SLC15A2: variants seen among roughly 807,000 people sequenced by gnomAD.
The protein encoded by SLC15A2 is kidney H(+)/peptide cotransporter.
SLC15A2 carries 77 observed loss-of-function variants against 95.5 expected under a neutral mutation model. That is an observed-to-expected ratio of 0.81 (90% CI 0.67 to 0.97). The LOEUF (loss-of-function observed/expected upper bound fraction) is 0.97. Ranked by LOEUF, SLC15A2 falls within the 50% of genes least tolerant of loss-of-function variation. The probability of loss-of-function intolerance (pLI) is 0.00; values close to 1 mark genes in which losing one functional copy is unlikely to be tolerated. For synonymous variants in SLC15A2, 306 were observed against 306.9 expected, an observed-to-expected ratio of 1.00 and a Z score of 0.03; for missense variants, 893 against 874.4, an observed-to-expected ratio of 1.02 and a Z score of -0.27.
chr3:121,914,338 C>T (rs569259319), intron 5 of SLC15A2, among the ~76,000 whole-genome samples: 21 of 152,192 alleles, frequency 1.4e-4, no homozygotes, highest in Middle Eastern at 3.4e-3. Flanking sequence ...GTATAATGAA[C>T]GAAACATCAG....
intron 3 of SLC15A2, 24 bp from the exon 4 acceptor site, chr3:121,911,550 T>G (rs780486500): frequency 4.5e-6 from 7 of 1,543,288 alleles, no homozygotes; most frequent in Middle Eastern, 1.7e-4. Flanking sequence ...GGTTTTAGAC[T>G]GACTGATTTA....
At chr3:121,931,419 A>G (rs1416808070) in intron 18 of SLC15A2, among the ~76,000 whole-genome samples, 1 of 152,238 alleles carries the variant, frequency 6.6e-6, no homozygotes, top group Non-Finnish European at 1.5e-5. Flanking sequence ...TTTAGGTTGA[A>G]TATTTTAGAA....
At chr3:121,922,078 G>A (rs1402863097) in intron 7 of SLC15A2, 142 bp from the exon 8 acceptor site, 7 of 607,968 alleles carry the variant, frequency 1.2e-5, no homozygotes, top group African/African-American at 1.9e-5. Context: ...TGTCCTTAGC[G>A]CTGATATACT....
chr3:121,924,218 C>T (rs1361556268), intron 11 of SLC15A2, 133 bp from the exon 12 acceptor site: 2 of 730,652 alleles, frequency 2.7e-6, no homozygotes, highest in African/African-American at 3.5e-5. Context: ...AAATAGTGGC[C>T]CTGAACCAAA....
intron 3 of SLC15A2, among the ~76,000 whole-genome samples, chr3:121,900,438 G>C (rs905552421): frequency 1.3e-5 from 2 of 152,058 alleles, no homozygotes; most frequent in African/African-American, 2.4e-5. Context: ...CTACAATTGA[G>C]CATATATGCT....
In SLC15A2 at chr3:121,897,542, G is replaced by T. The variant is rs1709442494; in HGVS notation, c.335+13G>T. 6.2e-7 allele frequency: 1 copy of T among 1,613,440 alleles called. No individual in the cohort carries two copies. Among genetic ancestry groups the T allele is most frequent in the Non-Finnish European group, 8.5e-7 (1 of 1,179,872 alleles). On this transcript the variant is annotated intron_variant, in intron 3 of 21. Transcript: ENST00000489711. ...TGGGAAAATTCAAGTAAGGAAGATG[G>T]GAGGTCACATCCCTACAAGTTTCAC...
chr3:121,901,699 A>G (rs1192490071), intron 3 of SLC15A2, among the ~76,000 whole-genome samples: 1 of 152,140 alleles, frequency 6.6e-6, no homozygotes, highest in African/African-American at 2.4e-5. Flanking sequence ...AAATCAGAAA[A>G]AAGACAAGAC....
chr3:121,910,031 G>T (rs1008741296), intron 3 of SLC15A2, among the ~76,000 whole-genome samples: 1 of 151,516 alleles, frequency 6.6e-6, no homozygotes, highest in Admixed American at 6.6e-5. Flanking sequence ...TCTGTTTGGG[G>T]TTCATGATAG....
chr3:121,903,845 G>A (rs1051660876), intron 3 of SLC15A2, among the ~76,000 whole-genome samples: 24 of 151,992 alleles, frequency 1.6e-4, no homozygotes, highest in African/African-American at 3.6e-4. Context: ...CTATTTTTGC[G>A]TCCATATGAA....
chr3:121,911,777 C>A (rs1709772322), intron 4 of SLC15A2, 111 bp downstream of exon 4: 3 of 740,652 alleles, frequency 4.1e-6, no homozygotes, highest in South Asian at 3.3e-5. Context: ...CAGTTTACTA[C>A]AAAACTGGTT....
At chr3:121,930,228 A>G (rs1309537609) in intron 17 of SLC15A2, among the ~76,000 whole-genome samples, 1 of 152,146 alleles carries the variant, frequency 6.6e-6, no homozygotes, top group Non-Finnish European at 1.5e-5. Context: ...CAAAACAGAA[A>G]TGTACCAAAA....
Position 121,942,347 on chromosome 3 carries a change from T to C in SLC15A2, c.*1340T>C, listed in dbSNP as rs965777475. The C allele has an allele frequency of 2.0e-5, 3 of 152,170 alleles. No individual in the cohort carries two copies. Among genetic ancestry groups the C allele is most frequent in the Middle Eastern group, 3.2e-3 (1 of 316 alleles). The allele number at this position is 152,170 out of a possible 1,614,324, so 9.4% of individuals were successfully genotyped here. A position where few individuals can be genotyped will look rare whatever the true frequency, so the allele number is the denominator to read the frequency against. ...GTGCAGTGTGTTACTAGGAAAAAAG[T>C]TCAGAATCACTGTTCTAGAGAGCTT... On this transcript the variant is annotated 3_prime_UTR_variant, in exon 22 of 22. Coordinates refer to ENST00000489711, the MANE Select transcript of SLC15A2 (RefSeq NM_021082.4).
At chr3:121,901,975 C>T (rs1181755606) in intron 3 of SLC15A2, among the ~76,000 whole-genome samples, 2 of 152,140 alleles carry the variant, frequency 1.3e-5, no homozygotes, top group Admixed American at 6.5e-5. Context: ...TAGTAAACAA[C>T]TTCTATTAAA....
rs770725883 is a variant in SLC15A2 at position 121,911,608 on chromosome 3, G to A, written c.370G>A (p.Gly124Ser). 98 of 1,613,934 alleles carry A rather than the reference G, an allele frequency of 6.1e-5. No individual in the cohort carries two copies. The highest frequency in any genetic ancestry group is 8.2e-5 in the Non-Finnish European group (97 of 1,179,928). The change falls in exon 4 of 22, where the codon GGC becomes AGC. Residue 124 changes from glycine (G) to serine (S), a missense_variant. Transcript: ENST00000489711. ...IIYLSLVYVLGHVIKSLGALP... is the reference protein window; with the variant it reads ...IIYLSLVYVLSHVIKSLGALP... ...CTATCTCTCCTTGGTGTATGTGCTT[G>A]GCCATGTGATCAAGTCCTTGGGTGC...
chr3:121,910,624 C>T (rs2107582107), intron 3 of SLC15A2, among the ~76,000 whole-genome samples: 1 of 152,310 alleles, frequency 6.6e-6, no homozygotes, highest in East Asian at 1.9e-4. Context: ...CCTCTCTTTG[C>T]TATCTTTATT....
At chr3:121,913,852 T>C (rs903134566) in intron 5 of SLC15A2, among the ~76,000 whole-genome samples, 1 of 152,242 alleles carries the variant, frequency 6.6e-6, no homozygotes, top group African/African-American at 2.4e-5. Flanking sequence ...CAGTTTTGTC[T>C]GTCTTCATGT....
At position 121,915,159 on chromosome 3, in the gene SLC15A2, A is replaced by G. The variant is rs369649335; in HGVS notation, c.529-68A>G. 5.4e-6 allele frequency: 7 copies of G among 1,297,938 alleles called. No homozygotes were observed. The East Asian group carries it at 9.3e-5, about 17-fold the overall frequency. The allele number at this position is 1,297,938 out of a possible 1,614,324, so 80.4% of individuals were successfully genotyped here. On this transcript the variant is annotated intron_variant, in intron 5 of 21. Coordinates refer to ENST00000489711, the MANE Select transcript of SLC15A2 (RefSeq NM_021082.4). ...TCTTTGTGTGTACCTTCAGCTCTGAATCTGAACGTGGAGTGGGGCTGGAGC... is the reference window on the plus strand; with the variant it reads ...TCTTTGTGTGTACCTTCAGCTCTGAGTCTGAACGTGGAGTGGGGCTGGAGC...
intron 3 of SLC15A2, among the ~76,000 whole-genome samples, chr3:121,905,227 G>T (rs527439595): frequency 6.6e-6 from 1 of 152,030 alleles, no homozygotes; most frequent in African/African-American, 2.4e-5. Flanking sequence ...GTATCTATTT[G>T]ATTCTTCTCT....
intron 7 of SLC15A2, among the ~76,000 whole-genome samples, chr3:121,918,550 A>T (rs1450148775): frequency 6.6e-6 from 1 of 152,014 alleles, no homozygotes; most frequent in Non-Finnish European, 1.5e-5. Context: ...ACTAAAAGCT[A>T]GAAGAGTAAG....
Sources: gnomAD v4.1 joint callset for allele counts (sites outside exome capture counted in the v4.1 genomes callset) on GRCh38, gnomAD v4.1.1 for gene constraint, MANE v1.5 for transcripts, NCBI Gene and HGNC (gene_info 2026-07-23, HGNC 2026-07-21) for gene names.